Variants in USO1 observed in about 807,000 individuals in gnomAD.
The protein encoded by USO1 is general vesicular transport factor p115.
A neutral mutation model predicts 124.5 loss-of-function variants in USO1; 57 were observed. The ratio of observed to expected loss-of-function variants is 0.46; its 90% CI spans 0.37 to 0.57. The LOEUF is 0.57. Among genes scored for constraint, USO1 ranks in the 20% least tolerant of loss-of-function variants. The pLI, the probability that USO1 is intolerant of heterozygous loss-of-function variation, is 0.00. For synonymous variants in USO1, 369 were observed against 362.8 expected (o/e 1.02, Z -0.19); for missense variants, 900 against 1,040.6 (o/e 0.86, Z 1.86).
chr4:75,805,350 C>A (rs1722964520), intron 19 of USO1, 47 bp downstream of exon 19: 2 of 1,462,158 alleles, frequency 1.4e-6, no homozygotes, highest in Non-Finnish European at 1.8e-6. Context: ...AAGAGTGGTT[C>A]TCATTATCCT....
chr4:75,805,561 G>A (rs1722973949), intron 19 of USO1, among the ~76,000 whole-genome samples: 1 of 152,070 alleles, frequency 6.6e-6, no homozygotes, highest in South Asian at 2.1e-4. Context: ...ACAAAAATTA[G>A]CCGGGCATGG....
chr4:75,771,668 T>C (rs1721937334), intron 7 of USO1, among the ~76,000 whole-genome samples: 1 of 152,250 alleles, frequency 6.6e-6, no homozygotes, highest in Non-Finnish European at 1.5e-5. Flanking sequence ...CTTGCCCTTA[T>C]TTGATTGAGT....
chr4:75,805,427 C>T, intron 19 of USO1, 124 bp downstream of exon 19: 4 of 1,342,648 alleles, frequency 3.0e-6, no homozygotes, highest in Admixed American at 3.2e-5. Flanking sequence ...ACAGGATGGG[C>T]CAGGCACAGT....
At chr4:75,812,927 A>G (rs375693831) in intron 23 of USO1, among the ~76,000 whole-genome samples, 14 of 152,264 alleles carry the variant, frequency 9.2e-5, no homozygotes, top group African/African-American at 2.6e-4. Flanking sequence ...CCTGGCCAAC[A>G]TGGTGAAACC....
intron 3 of USO1, among the ~76,000 whole-genome samples, chr4:75,753,332 G>A (rs1390377786): frequency 2.6e-5 from 4 of 151,796 alleles, no homozygotes; most frequent in African/African-American, 4.9e-5. Context: ...TCAGGAGTTC[G>A]AGACCAGCCT....
At chr4:75,739,529 T>C (rs1720894313) in intron 1 of USO1, among the ~76,000 whole-genome samples, 1 of 146,130 alleles carries the variant, frequency 6.8e-6, no homozygotes, top group Non-Finnish European at 1.5e-5. Flanking sequence ...TTTTGTATTT[T>C]ATCTTTTTCT....
At chr4:75,737,494 G>A (rs958922777) in intron 1 of USO1, among the ~76,000 whole-genome samples, 1 of 151,840 alleles carries the variant, frequency 6.6e-6, no homozygotes. Context: ...AAATAAGAGT[G>A]TTAGCTACCA....
chr4:75,794,355 C>T (rs181874131), intron 13 of USO1, among the ~76,000 whole-genome samples: 197 of 152,286 alleles, frequency 1.3e-3, no homozygotes, highest in African/African-American at 4.4e-3. Flanking sequence ...AGTATATCCC[C>T]TTGAAGTTTG....
At chr4:75,765,434 G>A (rs1721743372) in intron 4 of USO1, among the ~76,000 whole-genome samples, 1 of 152,094 alleles carries the variant, frequency 6.6e-6, no homozygotes, top group South Asian at 2.1e-4. Flanking sequence ...ATTTTATTGG[G>A]TATGTAACAT....
intron 4 of USO1, among the ~76,000 whole-genome samples, chr4:75,763,862 T>G (rs1257382646): frequency 6.6e-6 from 1 of 152,192 alleles, no homozygotes; most frequent in Non-Finnish European, 1.5e-5. Flanking sequence ...TTCTAGTTTT[T>G]GTTCACAACT....
At chr4:75,732,380 G>A (rs1408458515) in intron 1 of USO1, among the ~76,000 whole-genome samples, 1 of 152,122 alleles carries the variant, frequency 6.6e-6, no homozygotes, top group Non-Finnish European at 1.5e-5. Flanking sequence ...TGGCATATAT[G>A]TACTGCATTT....
chr4:75,774,309 T>C (rs1454338441), intron 7 of USO1, among the ~76,000 whole-genome samples: 2 of 152,214 alleles, frequency 1.3e-5, no homozygotes, highest in Non-Finnish European at 2.9e-5. Flanking sequence ...ATTATTACTG[T>C]TGTGAAGCAG....
At chr4:75,756,528 C>T (rs1319370808) in intron 3 of USO1, among the ~76,000 whole-genome samples, 5 of 109,844 alleles carry the variant, frequency 4.6e-5, no homozygotes, top group South Asian at 2.8e-4. Context: ...TTTTTTGAGA[C>T]GGAGTTTTGC....
chr4:75,800,945 T>G, intron 16 of USO1, 134 bp from the exon 17 acceptor site: 1 of 1,398,700 alleles, frequency 7.1e-7, no homozygotes, highest in Non-Finnish European at 9.5e-7. Context: ...TTGAAGGACA[T>G]TTGGCTTTCA....
At chr4:75,803,463 C>T (rs1259703067) in intron 17 of USO1, among the ~76,000 whole-genome samples, 7 of 151,962 alleles carry the variant, frequency 4.6e-5, no homozygotes, top group African/African-American at 1.7e-4. Flanking sequence ...GCCTGGCCAA[C>T]ATGGTGAAAC....
intron 21 of USO1, among the ~76,000 whole-genome samples, chr4:75,810,160 A>G (rs566983055): frequency 1.3e-5 from 2 of 152,332 alleles, no homozygotes; most frequent in South Asian, 4.1e-4. Flanking sequence ...GTTACATTAG[A>G]GCTGCCTTGC....
rs751330523 is a variant in USO1, at chr4:75,799,699, G to T, written c.1530G>T (p.Thr510=). Residue 510 remains threonine (T), a synonymous_variant, in exon 14 of 24, where the codon ACG becomes ACT. Coordinates refer to ENST00000514213, the MANE Select transcript of USO1 (RefSeq NM_003715.4). The part of the protein sequence containing the change: ...TWLSNCPIAV[T]HFLHNSANVP... ...TAAGCAATTGTCCCATTGCAGTAAC[G>T]CATTTTCTTCACAATTCAGCCAATG... is the stretch of plus-strand genomic sequence containing the variant. 3 of 1,613,618 alleles carry T rather than the reference G, an allele frequency of 1.9e-6. No homozygotes were observed. The highest frequency in any genetic ancestry group is 1.7e-4 in the Middle Eastern group (1 of 6,052).
intron 1 of USO1, among the ~76,000 whole-genome samples, chr4:75,734,683 A>G (rs1720736111): frequency 7.6e-6 from 1 of 132,110 alleles, no homozygotes; most frequent in Admixed American, 7.9e-5. Flanking sequence ...TGATAGGAAT[A>G]GCGTTGAATC....
At chr4:75,738,984 C>G (rs190443649) in intron 1 of USO1, among the ~76,000 whole-genome samples, 1 of 152,096 alleles carries the variant, frequency 6.6e-6, no homozygotes, top group African/African-American at 2.4e-5. Context: ...TCCCGAGTAG[C>G]TGGGATTACA....
Sources: allele counts gnomAD v4.1 joint callset (sites outside exome capture counted in the v4.1 genomes callset), GRCh38; gene constraint gnomAD v4.1.1; transcripts MANE v1.5; gene names NCBI Gene and HGNC (gene_info 2026-07-23, HGNC 2026-07-21).